EFHB: variants seen among roughly 807,000 people sequenced by gnomAD.
EFHB encodes the protein EF-hand domain family member B, also known as EF-hand domain-containing family member B.
Under a neutral mutation model 87.2 loss-of-function variants are expected in EFHB, and 91 were observed. The ratio of observed to expected loss-of-function variants is 1.04; its 90% CI spans 0.88 to 1.24. The LOEUF (loss-of-function observed/expected upper bound fraction) is 1.24, where lower values mean the gene tolerates loss of function less well. Among genes scored for constraint, EFHB ranks in the 50% most tolerant of loss-of-function variants. The pLI is 0.00. For missense variants in EFHB, 1,084 were observed against 998.8 expected, an observed-to-expected ratio of 1.09 and a Z score of -1.15; for synonymous variants, 325 against 333.6, an observed-to-expected ratio of 0.97 and a Z score of 0.28.
chr3:19,943,270 G>A (rs922661055), intron 1 of EFHB: 1 of 258,052 alleles, frequency 3.9e-6, no homozygotes, highest in East Asian at 1.0e-4. Flanking sequence ...ACCCACACAA[G>A]AGTAGATGGT....
At chr3:19,939,681 C>T (rs1001925169) in intron 1 of EFHB, among the ~76,000 whole-genome samples, 5 of 151,734 alleles carry the variant, frequency 3.3e-5, no homozygotes, top group Non-Finnish European at 4.4e-5. Context: ...ACCGCACCCG[C>T]CCATGGGTCT....
chr3:19,906,779 G>T (rs1380082271), intron 5 of EFHB, among the ~76,000 whole-genome samples: 1 of 151,862 alleles, frequency 6.6e-6, no homozygotes, highest in Non-Finnish European at 1.5e-5. Flanking sequence ...AAAGAAAAAA[G>T]TTAGAGGCAT....
At position 19,890,752 on chromosome 3, in the gene EFHB, T is replaced by C. The variant is rs1032705806; in HGVS notation, c.1726-2101A>G. Among the ~76,000 whole-genome samples, 8 of 152,314 alleles carry C rather than the reference T, an allele frequency of 5.3e-5. No individual in the cohort carries two copies. The East Asian group carries it at 5.8e-4, about 11-fold the overall frequency. The stretch of plus-strand genomic sequence containing the variant: ...TCTGGAAAAGAAAGGCAACCTTCAC[T>C]TGGAGGTGCACCGTGAAGTTTAGGA... On this transcript the variant is annotated intron_variant, in intron 9 of 12. Transcript: ENST00000295824.
At position 19,879,769 on chromosome 3, in the gene EFHB, C is replaced by G. The variant is rs763005470; in HGVS notation, c.2364G>C (p.Leu788=). Residue 788 remains leucine (L), a synonymous_variant, in exon 13 of 13, where the codon CTG becomes CTC. Transcript: ENST00000295824. ...ATACATTTTCAAATTCTTCATCAGA[C>G]AGTTTGACACCAATGTTACACAATA... ...AEILCNIGVK[L]SDEEFENVWN... 10 of 1,607,170 alleles carry G rather than the reference C, an allele frequency of 6.2e-6. No individual in the cohort carries two copies. The highest frequency in any genetic ancestry group is 1.1e-5 in the South Asian group (1 of 89,394).
rs777654925 is a variant in EFHB, at chr3:19,919,882, T to C, written c.947A>G (p.Gln316Arg). The change falls in exon 3 of 13, where the codon CAG (glutamine) becomes CGG (arginine). Residue 316 changes from glutamine (Q) to arginine (R), a missense_variant. Physicochemically the swap from Gln to Arg is conservative, Grantham distance 43. Coordinates refer to ENST00000295824, the MANE Select transcript of EFHB (RefSeq NM_144715.4). ...RVFYGRANDP[Q>R]IAPYLTHGIR... ...TCCATGTGTCAAATAAGGTGCAATC[T>C]GGGGATCATTTGCTCTTCCGTAAAA... 3 of 1,613,700 alleles carry C rather than the reference T, an allele frequency of 1.9e-6. No individual in the cohort carries two copies. The highest frequency in any genetic ancestry group is 1.3e-5 in the African/African-American group (1 of 75,012).
chr3:19,883,263 G>C (rs773370061), intron 11 of EFHB, among the ~76,000 whole-genome samples: 1 of 152,090 alleles, frequency 6.6e-6, no homozygotes, highest in Non-Finnish European at 1.5e-5. Context: ...GGCCTCCCAA[G>C]ATTCTGGGAT....
At chr3:19,885,895 C>T (rs373429161) in intron 10 of EFHB, among the ~76,000 whole-genome samples, 5 of 152,190 alleles carry the variant, frequency 3.3e-5, no homozygotes, top group African/African-American at 4.8e-5. Context: ...TACTTACCCA[C>T]TTTTCTCCAA....
intron 4 of EFHB, among the ~76,000 whole-genome samples, chr3:19,915,957 A>G (rs2931399): frequency 0.43 from 65,455 of 151,756 alleles, 14,797 homozygotes; most frequent in African/African-American, 0.56. Flanking sequence ...CAGCCTGGGC[A>G]ACAGAGCGAA....
intron 6 of EFHB, among the ~76,000 whole-genome samples, chr3:19,904,723 C>G (rs1281243984): frequency 6.6e-6 from 1 of 152,174 alleles, no homozygotes. Flanking sequence ...ATCCCAAGAT[C>G]CTTAATTATA....
At chr3:19,940,616 C>T (rs898239171) in intron 1 of EFHB, 15 of 465,594 alleles carry the variant, frequency 3.2e-5, no homozygotes, top group Non-Finnish European at 6.5e-5. Context: ...TTGTACTATT[C>T]AGCCTCCTGG....
chr3:19,920,102 C>A (rs554927579), intron 2 of EFHB, 126 bp from the exon 3 acceptor site: 1 of 970,416 alleles, frequency 1.0e-6, no homozygotes, highest in Non-Finnish European at 1.5e-6. Flanking sequence ...GGAACTACAG[C>A]CCCAAATAAT....
intron 8 of EFHB, 72 bp from the exon 9 acceptor site, chr3:19,896,913 G>A (rs1694508199): frequency 2.2e-6 from 3 of 1,373,224 alleles, no homozygotes; most frequent in South Asian, 3.0e-5. Context: ...TTTAAAAAAA[G>A]TGAGAGATCT....
At chr3:19,918,179 A>C in intron 4 of EFHB, 53 bp downstream of exon 4, 1 of 1,448,572 alleles carries the variant, frequency 6.9e-7, no homozygotes, top group Non-Finnish European at 9.3e-7. Flanking sequence ...CAAATTTTCC[A>C]AAGAGACTTA....
At chr3:19,934,370 C>T, upstream of EFHB, 1 of 702,500 alleles carries the variant, frequency 1.4e-6, no homozygotes, top group Non-Finnish European at 1.8e-6. Flanking sequence ...CTCCCCTCTT[C>T]TCTCTCCTCT....
chr3:19,929,443 C>T (rs149628661), intron 1 of EFHB, among the ~76,000 whole-genome samples: 45 of 151,952 alleles, frequency 3.0e-4, no homozygotes, highest in Non-Finnish European at 4.6e-4. Flanking sequence ...TGGTGGCTCA[C>T]GCCTGTAATC....
chr3:19,914,535 C>CTAA (rs148264211), intron 5 of EFHB, among the ~76,000 whole-genome samples: 6 of 151,464 alleles, frequency 4.0e-5, no homozygotes, highest in Non-Finnish European at 7.4e-5. Flanking sequence ...GACAAGATCG[C>CTAA]TAATAATAAT....
chr3:19,888,183 T>G (rs1288279322), intron 10 of EFHB, among the ~76,000 whole-genome samples: 1 of 152,016 alleles, frequency 6.6e-6, no homozygotes, highest in African/African-American at 2.4e-5. Context: ...ATATTAAAGT[T>G]GAATATAGCT....
intron 1 of EFHB, among the ~76,000 whole-genome samples, chr3:19,944,768 GT>G (rs5847038): frequency 0.73 from 110,651 of 152,020 alleles, 40,992 homozygotes; most frequent in African/African-American, 0.78. Context: ...AGCATCAAAT[GT>G]TTTTCATTGT....
At position 19,933,586 on chromosome 3, in the gene EFHB, C is replaced by T; in HGVS notation, c.433G>A (p.Ala145Thr). The T allele has an allele frequency of 1.2e-6, 2 of 1,614,030 alleles. No homozygotes were observed. Among genetic ancestry groups the T allele is most frequent in the South Asian group, 1.1e-5 (1 of 91,078 alleles). Residue 145 changes from alanine (A) to threonine (T), a missense_variant, in exon 1 of 13, where the codon GCT (alanine) becomes ACT (threonine). Ala to Thr is a moderately conservative substitution (Grantham distance 58). Coordinates refer to ENST00000295824, the MANE Select transcript of EFHB (RefSeq NM_144715.4). ...CCTTCAGGGCCACTAGCCAAAGGAG[C>T]TCTCCTGCTCCCTGCAGCCTGTGAA... ...GSSQAAGSRRAPLASGPEGVE... is the reference protein window; with the variant it reads ...GSSQAAGSRRTPLASGPEGVE...
Sources: gnomAD v4.1 joint callset for allele counts (sites outside exome capture counted in the v4.1 genomes callset) on GRCh38, gnomAD v4.1.1 for gene constraint, MANE v1.5 for transcripts, NCBI Gene and HGNC (gene_info 2026-07-23, HGNC 2026-07-21) for gene names.